The following KIF2C variants were observed in gnomAD, a reference collection of about 807,000 sequenced individuals.
KIF2C encodes kinesin family member 2C.
In KIF2C, 34 loss-of-function variants were observed where a neutral mutation model predicts 97.4. The ratio of observed to expected loss-of-function variants is 0.35; its 90% confidence interval spans 0.27 to 0.46. The LOEUF (loss-of-function observed/expected upper bound fraction) is 0.46, where lower values mean the gene tolerates loss of function less well. KIF2C is among the 20% of genes least tolerant of loss of function. The pLI is 1.00. For synonymous variants in KIF2C, 313 were observed against 318.2 expected (o/e 0.98, Z 0.17); for missense variants, 750 against 907.6 (o/e 0.83, Z 2.23).
In KIF2C at chr1:44,760,968, A is replaced by C; in HGVS notation, c.1683+266A>C. 1 of 397,038 alleles carries C rather than the reference A, an allele frequency of 2.5e-6. No homozygotes were observed. Among genetic ancestry groups the C allele is most frequent in the Non-Finnish European group, 4.6e-6 (1 of 215,786 alleles). 24.6% of individuals were successfully genotyped at this position (397,038 alleles called of 1,614,324 possible). ...GAGGTCATTCCTGCATTACCTGATG[A>C]AAAGGGGGTTCCAGAATTCGGAAGA... On this transcript the variant is annotated intron_variant, in intron 16 of 20. Coordinates refer to ENST00000372224, the MANE Select transcript of KIF2C (RefSeq NM_006845.4). The surrounding 1 kb of genome is among the most constrained non-coding windows in gnomAD (Gnocchi z 4.2).
intron 19 of KIF2C, among the ~76,000 whole-genome samples, chr1:44,765,373 G>A (rs1650397151): frequency 1.3e-5 from 2 of 152,150 alleles, no homozygotes. Context: ...ACAAGTTAAT[G>A]GGTGCAGCAC....
chr1:44,750,702 T>C (rs929546848), intron 5 of KIF2C, 138 bp downstream of exon 5: 5 of 1,016,644 alleles, frequency 4.9e-6, no homozygotes, highest in Non-Finnish European at 5.2e-6. Flanking sequence ...CAACACGGCT[T>C]TCTTATTTGG....
At chr1:44,751,507 C>CTTTT (rs58381189) in intron 5 of KIF2C, among the ~76,000 whole-genome samples, 2 of 125,668 alleles carry the variant, frequency 1.6e-5, no homozygotes, top group Non-Finnish European at 3.3e-5. Context: ...TCTTTTTGTA[C>CTTTT]TTTTTTTTTT....
intron 4 of KIF2C, among the ~76,000 whole-genome samples, chr1:44,748,874 C>T (rs994213896): frequency 6.6e-6 from 1 of 151,834 alleles, no homozygotes; most frequent in Non-Finnish European, 1.5e-5. Flanking sequence ...AGGATGGAGT[C>T]TCGCTTTGTT....
intron 7 of KIF2C, 125 bp downstream of exon 7, chr1:44,753,958 CTTTTTTTT>C (rs34685023): frequency 1.3e-3 from 88 of 67,904 alleles, no homozygotes; most frequent in Middle Eastern, 5.3e-3. Context: ...GGCCCCAATT[CTTTTTTTT>C]TTTTTTTTTT....
At chr1:44,741,720 G>C (rs970325521) in intron 2 of KIF2C, among the ~76,000 whole-genome samples, 4 of 151,972 alleles carry the variant, frequency 2.6e-5, no homozygotes, top group African/African-American at 9.7e-5. Context: ...TGGGCACAGT[G>C]GCTCACATGT....
intron 2 of KIF2C, among the ~76,000 whole-genome samples, chr1:44,742,271 G>T (rs751913397): frequency 2.0e-5 from 3 of 151,756 alleles, no homozygotes; most frequent in Admixed American, 2.0e-4. Flanking sequence ...CACTACGCCC[G>T]GCTAATTTTT....
chr1:44,756,295 G>A (rs1236423757), intron 10 of KIF2C, 58 bp downstream of exon 10: 30 of 1,542,816 alleles, frequency 1.9e-5, no homozygotes, highest in Non-Finnish European at 6.2e-6. Context: ...TTTTTTTGTG[G>A]GACATCGTGG....
chr1:44,754,251 T>C (rs113659701), intron 7 of KIF2C, among the ~76,000 whole-genome samples: 22 of 152,030 alleles, frequency 1.4e-4, no homozygotes, highest in African/African-American at 5.3e-4. Flanking sequence ...ATCCAGGAAA[T>C]TTAACTGGTT....
At chr1:44,740,809 G>C in intron 1 of KIF2C, 104 bp from the exon 2 acceptor site, 1 of 405,150 alleles carries the variant, frequency 2.5e-6, no homozygotes, top group South Asian at 4.0e-5. Context: ...TAAGGTAGCT[G>C]CCTGTTCCTT....
At chr1:44,753,295 G>A in intron 6 of KIF2C, 41 bp downstream of exon 6, 3 of 1,582,854 alleles carry the variant, frequency 1.9e-6, no homozygotes, top group Non-Finnish European at 2.6e-6. Flanking sequence ...TTCTAGTGAG[G>A]CACAGATAGT....
At chr1:44,745,024 T>C (rs1649113737) in intron 2 of KIF2C, among the ~76,000 whole-genome samples, 1 of 151,686 alleles carries the variant, frequency 6.6e-6, no homozygotes, top group Admixed American at 6.6e-5. Context: ...ACCCTGTCTC[T>C]ACTAAAAATA....
intron 19 of KIF2C, among the ~76,000 whole-genome samples, chr1:44,766,497 G>A (rs1193776491): frequency 6.6e-6 from 1 of 152,110 alleles, no homozygotes; most frequent in African/African-American, 2.4e-5. Context: ...TGTAATCCCA[G>A]CTACTTGGGA....
chr1:44,751,819 AC>A (rs1649536431), intron 5 of KIF2C, among the ~76,000 whole-genome samples: 1 of 54,752 alleles, frequency 1.8e-5, no homozygotes, highest in Non-Finnish European at 3.4e-5. Flanking sequence ...CTCTTTTTAT[AC>A]CTTTTTTTTT....
chr1:44,757,915 G>A lies in KIF2C; in HGVS notation c.1076G>A (p.Gly359Asp). 1.9e-6 allele frequency: 3 copies of A among 1,614,128 alleles called. No homozygotes were observed. Among genetic ancestry groups the A allele is most frequent in the Non-Finnish European group, 2.5e-6 (3 of 1,180,014 alleles). Residue 359 changes from glycine to aspartate, a missense_variant, in exon 12 of 21, where the codon GGC (glycine) becomes GAC (aspartate). Physicochemically the swap from Gly to Asp is moderately conservative, Grantham distance 94. Transcript: ENST00000372224. ...TACCCCTTCCCTTTGCAGACTATGGGCGGAGACCTCTCTGGGAAAGCCCAG... is the reference window on the plus strand; with the variant it reads ...TACCCCTTCCCTTTGCAGACTATGGACGGAGACCTCTCTGGGAAAGCCCAG... ...QTGSGKTHTM[G>D]GDLSGKAQNA...
Position 44,766,891 on chromosome 1 carries a change from T to C in KIF2C, c.2037T>C (p.Phe679=). The change falls in exon 20 of 21, where the codon TTT becomes TTC. Residue 679 remains phenylalanine (F), a synonymous_variant. Coordinates refer to ENST00000372224, the MANE Select transcript of KIF2C (RefSeq NM_006845.4). ...TEQPDYDLET[F]VNKAESALAQ... ...AGCCAGACTATGACCTGGAGACCTT[T>C]GTGAACAAAGCGGAATCTGCTCTGG... 1 of 1,614,194 alleles carries C rather than the reference T, an allele frequency of 6.2e-7. No homozygotes were observed. The highest frequency in any genetic ancestry group is 8.5e-7 in the Non-Finnish European group (1 of 1,180,026).
rs1410012154 is a variant in KIF2C, at chr1:44,739,873, G to C, written c.-60G>C. On this transcript the variant is annotated 5_prime_UTR_variant, in exon 1 of 21. Transcript: ENST00000372224. ...GTTTACGCGGCGTTAAGACTTCGTA[G>C]GGTTAGCGAAATTGAGGTTTCTTGG... 1 of 1,494,040 alleles carries C rather than the reference G, an allele frequency of 6.7e-7. No homozygotes were observed. Among genetic ancestry groups the C allele is most frequent in the East Asian group, 2.3e-5 (1 of 44,284 alleles). 92.5% of individuals were successfully genotyped at this position (1,494,040 alleles called of 1,614,324 possible). A position where few individuals can be genotyped will look rare whatever the true frequency, so the allele number is the denominator to read the frequency against.
chr1:44,760,519 G>C lies in KIF2C; in HGVS notation c.1572+35G>C, dbSNP rs1388736166. Reference sequence around the variant, plus strand: ...CAGCTAGAGCTGGTTGGCCGGGAGAGCTACTGGGAAGGGATGGGGAGGGAT... The same window carrying C: ...CAGCTAGAGCTGGTTGGCCGGGAGACCTACTGGGAAGGGATGGGGAGGGAT... On this transcript the variant is annotated intron_variant, in intron 15 of 20. Coordinates refer to ENST00000372224, the MANE Select transcript of KIF2C (RefSeq NM_006845.4). The surrounding 1 kb of genome is among the most constrained non-coding windows in gnomAD (Gnocchi z 4.2). 3 of 1,612,416 alleles carry C rather than the reference G, an allele frequency of 1.9e-6. No homozygotes were observed. Among genetic ancestry groups the C allele is most frequent in the Non-Finnish European group, 1.7e-6 (2 of 1,179,132 alleles).
intron 2 of KIF2C, among the ~76,000 whole-genome samples, chr1:44,742,196 G>A: frequency 6.6e-6 from 1 of 151,654 alleles, no homozygotes; most frequent in South Asian, 2.1e-4. Context: ...TGCAAGCTCC[G>A]CCTCCCGGGT....
Sources: gnomAD v4.1 joint callset for allele counts (sites outside exome capture counted in the v4.1 genomes callset) on GRCh38, gnomAD v4.1.1 for gene constraint, Gnocchi (gnomAD v3.1) non-coding constraint, MANE v1.5 for transcripts, NCBI Gene and HGNC (gene_info 2026-07-23, HGNC 2026-07-21) for gene names.